Variants in RANBP2 observed in about 807,000 individuals in gnomAD.
RANBP2 encodes E3 SUMO-protein ligase RanBP2.
A neutral mutation model predicts 303.6 loss-of-function variants in RANBP2; 57 were observed. That is an observed-to-expected ratio of 0.19 (90% CI 0.15 to 0.23). The LOEUF (loss-of-function observed/expected upper bound fraction) is 0.23. Among genes scored for constraint, RANBP2 ranks in the 10% least tolerant of loss-of-function variants. The probability of loss-of-function intolerance (pLI) is 1.00; values close to 1 mark genes in which losing one functional copy is unlikely to be tolerated. For synonymous variants in RANBP2, 1,167 were observed against 1,301.5 expected, an observed-to-expected ratio of 0.90 and a Z score of 2.23; for missense variants, 3,138 against 3,780.8, an observed-to-expected ratio of 0.83 and a Z score of 4.46.
the RANBP2 span, among the ~76,000 whole-genome samples, chr2:109,453,097 T>TGCAG: frequency 1.4e-4 from 22 of 152,196 alleles, no homozygotes; most frequent in Admixed American, 3.3e-4. Flanking sequence ...CGATGTGGTG[T>TGCAG]GCAGGCCTCT....
chr2:109,460,455 T>A, the RANBP2 span, among the ~76,000 whole-genome samples: 1 of 151,974 alleles, frequency 6.6e-6, no homozygotes, highest in Non-Finnish European at 1.5e-5. Context: ...CCATGGTGAG[T>A]GGAAATCCAT....
the RANBP2 span, among the ~76,000 whole-genome samples, chr2:109,676,348 C>T: frequency 3.9e-5 from 6 of 152,360 alleles, no homozygotes; most frequent in Middle Eastern, 0.01. Context: ...CTCTCAGGCC[C>T]TCCAACTCAG....
At chr2:108,732,402 G>C (rs1181732761) in intron 4 of RANBP2, among the ~76,000 whole-genome samples, 1 of 151,986 alleles carries the variant, frequency 6.6e-6, no homozygotes, top group Non-Finnish European at 1.5e-5. Flanking sequence ...GGAGAATTTT[G>C]GATTTCAGAT....
chr2:109,712,175 C>T, the RANBP2 span, among the ~76,000 whole-genome samples: 1 of 152,180 alleles, frequency 6.6e-6, no homozygotes, highest in Non-Finnish European at 1.5e-5. Flanking sequence ...CTATAAATCC[C>T]TTCCCCAGTG....
chr2:108,721,015 C>G (rs1460583587), intron 1 of RANBP2, among the ~76,000 whole-genome samples: 1 of 152,146 alleles, frequency 6.6e-6, no homozygotes, highest in African/African-American at 2.4e-5. Flanking sequence ...CGCTACTGCA[C>G]TCCAGCCTGG....
chr2:109,259,317 A>G, the RANBP2 span, among the ~76,000 whole-genome samples: 3 of 152,138 alleles, frequency 2.0e-5, no homozygotes, highest in African/African-American at 7.2e-5. Context: ...CCTGGCTCTG[A>G]CAGTTGAGCC....
At chr2:109,254,768 C>T in the RANBP2 span, among the ~76,000 whole-genome samples, 1 of 152,092 alleles carries the variant, frequency 6.6e-6, no homozygotes, top group Non-Finnish European at 1.5e-5. Context: ...TGGCTCGGGA[C>T]AGTGCCCCAT....
chr2:109,343,465 T>G, the RANBP2 span, among the ~76,000 whole-genome samples: 2 of 152,166 alleles, frequency 1.3e-5, no homozygotes, highest in Admixed American at 6.5e-5. Context: ...CAGTCTGAGA[T>G]GGGGATACAG....
chr2:109,203,791 C>T, the RANBP2 span, among the ~76,000 whole-genome samples: 4 of 150,826 alleles, frequency 2.7e-5, no homozygotes, highest in African/African-American at 9.8e-5. Context: ...TCCATTCCTG[C>T]CCTTTGTCTC....
At chr2:109,376,421 C>T in the RANBP2 span, among the ~76,000 whole-genome samples, 1 of 152,220 alleles carries the variant, frequency 6.6e-6, no homozygotes, top group Non-Finnish European at 1.5e-5. Flanking sequence ...GCTGCTCACA[C>T]AGAGCCTGGG....
At chr2:109,588,293 T>C in the RANBP2 span, among the ~76,000 whole-genome samples, 1 of 152,050 alleles carries the variant, frequency 6.6e-6, no homozygotes, top group Non-Finnish European at 1.5e-5. Flanking sequence ...CAAAAAGGAA[T>C]GAAGATCATC....
the RANBP2 span, among the ~76,000 whole-genome samples, chr2:109,125,303 T>TG: frequency 3.1e-3 from 469 of 152,118 alleles, 4 homozygotes; most frequent in African/African-American, 7.9e-3. Flanking sequence ...GCAGAGTTGG[T>TG]GGGGGGGTTA....
the RANBP2 span, chr2:109,564,496 C>A: frequency 1.3e-6 from 2 of 1,561,806 alleles, no homozygotes; most frequent in Non-Finnish European, 8.7e-7. Flanking sequence ...ATGAGCATTT[C>A]CCGCAGCTTT....
At chr2:109,520,773 C>G in the RANBP2 span, among the ~76,000 whole-genome samples, 1 of 135,492 alleles carries the variant, frequency 7.4e-6, no homozygotes, top group African/African-American at 2.5e-5. Context: ...TCTACTAAAA[C>G]TACAAAAATT....
the RANBP2 span, among the ~76,000 whole-genome samples, chr2:109,387,217 T>C: frequency 6.6e-6 from 1 of 152,220 alleles, no homozygotes; most frequent in Non-Finnish European, 1.5e-5. Flanking sequence ...GCTTTTCTCA[T>C]TAAATTGTGA....
chr2:109,266,908 C>T, the RANBP2 span, among the ~76,000 whole-genome samples: 52 of 152,300 alleles, frequency 3.4e-4, no homozygotes, highest in African/African-American at 1.2e-3. Context: ...TGATGTATGT[C>T]CCTGAGCAGG....
At chr2:109,682,031 C>G in the RANBP2 span, among the ~76,000 whole-genome samples, 4 of 152,214 alleles carry the variant, frequency 2.6e-5, no homozygotes, top group Admixed American at 6.5e-5. Context: ...AGGTGGGGTC[C>G]AGGACCCCAG....
chr2:109,066,048 C>T, the RANBP2 span, among the ~76,000 whole-genome samples: 2 of 152,182 alleles, frequency 1.3e-5, no homozygotes, highest in Non-Finnish European at 2.9e-5. Context: ...AGCAATTCTC[C>T]TGCCTCGGCC....
At chr2:108,935,375 GA>G in the RANBP2 span, among the ~76,000 whole-genome samples, 1 of 152,170 alleles carries the variant, frequency 6.6e-6, no homozygotes, top group Non-Finnish European at 1.5e-5. Flanking sequence ...GAGCTCATTA[GA>G]AATGCAGAAT....
Sources: allele counts gnomAD v4.1 joint callset (sites outside exome capture counted in the v4.1 genomes callset), GRCh38; gene constraint gnomAD v4.1.1; transcripts MANE v1.5; gene names NCBI Gene and HGNC (gene_info 2026-07-23, HGNC 2026-07-21).